VPS13B: variants seen among roughly 807,000 people sequenced by gnomAD.
VPS13B encodes vacuolar protein sorting 13 homolog B.
Under a neutral mutation model 426.4 loss-of-function variants are expected in VPS13B, and 285 were observed. The observed-to-expected ratio is 0.67, with a 90% CI of 0.61 to 0.74. The LOEUF is 0.74. VPS13B is among the 30% of genes least tolerant of loss of function. VPS13B has a pLI of 0.00. For synonymous variants in VPS13B, 1,676 were observed against 1,676.4 expected (o/e 1.00, Z 0.01); for missense variants, 4,537 against 4,782.6 (o/e 0.95, Z 1.51).
intron 2 of VPS13B, among the ~76,000 whole-genome samples, chr8:99,037,689 G>T (rs974551976): frequency 6.6e-6 from 1 of 152,000 alleles, no homozygotes; most frequent in African/African-American, 2.4e-5. Flanking sequence ...ATTATATCTA[G>T]AAGTGAGACA....
chr8:99,642,506 C>T lies in VPS13B; in HGVS notation c.5908+8C>T. 2 of 1,607,354 alleles carry T rather than the reference C, an allele frequency of 1.2e-6. No individual in the cohort carries two copies. Among genetic ancestry groups the T allele is most frequent in the Non-Finnish European group, 1.7e-6 (2 of 1,176,896 alleles). ...CTGATTACAAATGTATAGGTAAGAA[C>T]CTTCAAACTTACTGGAGTGCTAATA... is the stretch of plus-strand genomic sequence containing the variant. On this transcript the variant is annotated splice_region_variant and intron_variant, in intron 34 of 61. Transcript: ENST00000357162.
At chr8:99,664,471 C>G (rs1339763319) in intron 35 of VPS13B, among the ~76,000 whole-genome samples, 1 of 151,988 alleles carries the variant, frequency 6.6e-6, no homozygotes, top group African/African-American at 2.4e-5. Flanking sequence ...TCCCCCTGAC[C>G]CCCACCCCAC....
intron 21 of VPS13B, among the ~76,000 whole-genome samples, chr8:99,403,282 A>G (rs1815142202): frequency 6.6e-6 from 1 of 152,050 alleles, no homozygotes; most frequent in Admixed American, 6.6e-5. Flanking sequence ...TCCAGTGCCT[A>G]TTGAAAATGT....
At chr8:99,015,215 A>ATT (rs35213007) in intron 2 of VPS13B, among the ~76,000 whole-genome samples, 1,732 of 127,866 alleles carry the variant, frequency 0.014, 34 homozygotes, top group Non-Finnish European at 0.017. Context: ...TAACAGCTCA[A>ATT]TTTTTTTTTT....
rs777967206 is a variant in VPS13B, at chr8:99,143,161, A to G, written c.1839A>G (p.Lys613=). The G allele has an allele frequency of 1.9e-6, 3 of 1,613,978 alleles. No individual in the cohort carries two copies. The highest frequency in any genetic ancestry group is 2.5e-6 in the Non-Finnish European group (3 of 1,179,924). The change falls in exon 13 of 62, where the codon AAA becomes AAG. Residue 613 remains lysine, a synonymous_variant. Coordinates refer to ENST00000357162, the MANE Select transcript of VPS13B (RefSeq NM_152564.5). ...EHEYEPYSRL[K]SDIKDENETI... The stretch of plus-strand genomic sequence containing the variant: ...AATATGAACCATATAGCAGGCTAAA[A>G]TCAGGTTTGTTTCTGGATTAATTTT...
intron 19 of VPS13B, among the ~76,000 whole-genome samples, chr8:99,287,928 A>G (rs1009689168): frequency 6.6e-6 from 1 of 152,064 alleles, no homozygotes; most frequent in Non-Finnish European, 1.5e-5. Flanking sequence ...AGAATTTAAG[A>G]GTGGTTATCT....
intron 20 of VPS13B, among the ~76,000 whole-genome samples, chr8:99,385,576 C>A (rs573914332): frequency 6.6e-6 from 1 of 152,276 alleles, no homozygotes; most frequent in Non-Finnish European, 1.5e-5. Flanking sequence ...ATGCTGTACA[C>A]CATGGCCACA....
At chr8:99,819,290 T>C in intron 47 of VPS13B, 122 bp from the exon 48 acceptor site, 4 of 1,164,288 alleles carry the variant, frequency 3.4e-6, no homozygotes, top group Non-Finnish European at 4.9e-6. Context: ...GTCCCATAAA[T>C]GGACTCTATC....
intron 33 of VPS13B, among the ~76,000 whole-genome samples, chr8:99,627,412 T>C (rs898904323): frequency 1.3e-5 from 2 of 152,100 alleles, no homozygotes; most frequent in African/African-American, 2.4e-5. Flanking sequence ...ATTTTATTTT[T>C]ATTTTATTTA....
At chr8:99,591,747 G>T (rs912011955) in intron 33 of VPS13B, among the ~76,000 whole-genome samples, 2 of 151,588 alleles carry the variant, frequency 1.3e-5, no homozygotes, top group Admixed American at 1.3e-4. Context: ...GCTTCGCTTT[G>T]TGGGTAACCC....
intron 29 of VPS13B, among the ~76,000 whole-genome samples, chr8:99,513,815 T>C (rs1282052374): frequency 1.3e-5 from 2 of 152,202 alleles, no homozygotes; most frequent in Non-Finnish European, 2.9e-5. Context: ...GTTGTTTTTT[T>C]CTGCATCTTT....
intron 30 of VPS13B, among the ~76,000 whole-genome samples, chr8:99,542,688 C>T (rs1823689532): frequency 6.6e-6 from 1 of 152,052 alleles, no homozygotes; most frequent in Non-Finnish European, 1.5e-5. Flanking sequence ...AGGTTTGAAC[C>T]ATTTTGGGAG....
intron 4 of VPS13B, among the ~76,000 whole-genome samples, chr8:99,101,984 AT>A (rs35749818): frequency 4.0e-5 from 6 of 151,718 alleles, no homozygotes; most frequent in Admixed American, 6.6e-5. Flanking sequence ...GAAAAGATTA[AT>A]TTTTTTTTCT....
intron 31 of VPS13B, among the ~76,000 whole-genome samples, chr8:99,563,327 T>G (rs1179333172): frequency 6.6e-6 from 1 of 152,200 alleles, no homozygotes; most frequent in Non-Finnish European, 1.5e-5. Context: ...ACTTGCTATT[T>G]AACTATTAGA....
rs541432384 is a variant in VPS13B, at chr8:99,290,452, C to T, written c.2824+15198C>T. Among the ~76,000 whole-genome samples, 6 of 151,866 alleles carry T rather than the reference C, an allele frequency of 4.0e-5. No individual in the cohort carries two copies. In the East Asian group the frequency reaches 5.8e-4, roughly 15 times the overall value. On this transcript the variant is annotated intron_variant, in intron 19 of 61. Transcript: ENST00000357162. ...TTCTCACTCATAGGTGGGAATTGAA[C>T]GATGAGAACACTTGGACACAGGAAG...
At chr8:99,302,555 G>A (rs1235250672) in intron 19 of VPS13B, among the ~76,000 whole-genome samples, 1 of 151,982 alleles carries the variant, frequency 6.6e-6, no homozygotes. Flanking sequence ...TGTCACCCAG[G>A]CTGGAGTGCA....
At chr8:99,804,540 T>A (rs1353703131) in intron 43 of VPS13B, among the ~76,000 whole-genome samples, 1 of 152,188 alleles carries the variant, frequency 6.6e-6, no homozygotes, top group East Asian at 1.9e-4. Context: ...TCATACTAAT[T>A]CTGTGATACC....
chr8:99,268,704 A>T (rs1818427080), intron 17 of VPS13B, among the ~76,000 whole-genome samples: 2 of 151,876 alleles, frequency 1.3e-5, no homozygotes, highest in South Asian at 4.1e-4. Flanking sequence ...GAGACTTTGG[A>T]CTTGGAGTTT....
intron 61 of VPS13B, chr8:99,875,075 C>T: frequency 3.0e-6 from 1 of 336,952 alleles, no homozygotes; most frequent in South Asian, 2.8e-5. Context: ...AGATTTTTCT[C>T]CTTTTTTCTT....
Sources: allele counts gnomAD v4.1 joint callset (sites outside exome capture counted in the v4.1 genomes callset), GRCh38; gene constraint gnomAD v4.1.1; transcripts MANE v1.5; gene names NCBI Gene and HGNC (gene_info 2026-07-23, HGNC 2026-07-21).